The following IL1RAP variants were observed in gnomAD, a reference collection of about 807,000 sequenced individuals.
IL1RAP encodes the protein interleukin 1 receptor accessory protein.
A neutral mutation model predicts 60.7 loss-of-function variants in IL1RAP; 35 were observed. The ratio of observed to expected loss-of-function variants is 0.58; its 90% CI spans 0.44 to 0.76. IL1RAP has a LOEUF of 0.76. Ranked by LOEUF, IL1RAP falls within the 30% of genes least tolerant of loss-of-function variation. IL1RAP has a pLI of 0.00. For missense variants in IL1RAP, 572 were observed against 693.9 expected, an observed-to-expected ratio of 0.82 and a Z score of 1.97; for synonymous variants, 268 against 250.9, an observed-to-expected ratio of 1.07 and a Z score of -0.64.
At chr3:190,653,324 G>A (rs73062296), downstream of IL1RAP, among the ~76,000 whole-genome samples, 321 of 152,226 alleles carry the variant, frequency 2.1e-3, 1 homozygote, top group African/African-American at 7.4e-3. Context: ...TCACATGTAG[G>A]CATCTAATTT....
chr3:190,621,735 A>G (rs777350094), intron 6 of IL1RAP, among the ~76,000 whole-genome samples: 8 of 148,308 alleles, frequency 5.4e-5, no homozygotes, highest in Non-Finnish European at 8.9e-5. Context: ...TGAAACTGCG[A>G]TATGAGTTTT....
At position 190,559,790 on chromosome 3, in the gene IL1RAP, C is replaced by T. The variant is rs544093241; in HGVS notation, c.-2+3574C>T. 1.2e-3 allele frequency among the ~76,000 whole-genome samples: 185 copies of T among 152,168 alleles called. 2 individuals carry two copies. The highest frequency in any genetic ancestry group is 3.4e-3 in the Middle Eastern group (1 of 294). ...AAAATTTGATTTATGATACATGATA[C>T]GGTGTATCTGGTGAATGTCCTATTG... On this transcript the variant is annotated intron_variant, in intron 2 of 11. Coordinates refer to ENST00000447382, the MANE Select transcript of IL1RAP (RefSeq NM_002182.4).
rs1730108054 is a variant in IL1RAP, at chr3:190,604,295, G to C, written c.232G>C (p.Asp78His). 5.0e-6 allele frequency: 8 copies of C among 1,613,896 alleles called. No individual in the cohort carries two copies. Among genetic ancestry groups the C allele is most frequent in the Non-Finnish European group, 6.8e-6 (8 of 1,179,974 alleles). The change falls in exon 4 of 12, where the codon GAC becomes CAC. Residue 78 changes from aspartate (D) to histidine (H), a missense_variant. Asp to His is a moderately conservative substitution (Grantham distance 81). Coordinates refer to ENST00000447382, the MANE Select transcript of IL1RAP (RefSeq NM_002182.4). ...LIWYWTRQDR[D>H]LEEPINFRLP... is the part of the protein sequence containing the mutation. ...CTGGTATTGGACTAGGCAGGACCGG[G>C]ACCTTGAGGAGCCAATTAACTTCCG...
chr3:190,569,982 G>T (rs1577618499), intron 3 of IL1RAP, among the ~76,000 whole-genome samples: 1 of 152,056 alleles, frequency 6.6e-6, no homozygotes, highest in African/African-American at 2.4e-5. Context: ...TGCCACCTTA[G>T]CAGTGACTCA....
intron 6 of IL1RAP, among the ~76,000 whole-genome samples, chr3:190,622,453 T>C (rs1220026495): frequency 6.6e-6 from 1 of 151,992 alleles, no homozygotes; most frequent in Admixed American, 6.6e-5. Flanking sequence ...AAGGACTCCT[T>C]CCTAAAAGAC....
chr3:190,623,479 T>C (rs1173016264), intron 7 of IL1RAP, 64 bp downstream of exon 7: 1 of 1,197,040 alleles, frequency 8.4e-7, no homozygotes, highest in Non-Finnish European at 1.2e-6. Context: ...TAAAATGTCA[T>C]TTAAGTTAAT....
chr3:190,544,808 A>G (rs929895671), intron 1 of IL1RAP, among the ~76,000 whole-genome samples: 16 of 152,236 alleles, frequency 1.1e-4, no homozygotes, highest in African/African-American at 3.9e-4. Context: ...CCCTGAAAGA[A>G]GTCCTGTGGG....
intron 11 of IL1RAP, among the ~76,000 whole-genome samples, chr3:190,646,229 T>G (rs1734005580): frequency 6.6e-6 from 1 of 152,218 alleles, no homozygotes; most frequent in Non-Finnish European, 1.5e-5. Flanking sequence ...AAAGCAGTTT[T>G]ATTTTGGTTT....
intron 3 of IL1RAP, among the ~76,000 whole-genome samples, chr3:190,600,834 G>T (rs1729795231): frequency 6.6e-6 from 1 of 152,076 alleles, no homozygotes; most frequent in Non-Finnish European, 1.5e-5. Context: ...ACTACAGATT[G>T]GTTTGTTCTC....
chr3:190,654,190 T>TCTCACACACACACA (rs1553854858), downstream of IL1RAP, among the ~76,000 whole-genome samples: 31 of 140,508 alleles, frequency 2.2e-4, no homozygotes, highest in South Asian at 5.9e-3. Flanking sequence ...AAACATCATA[T>TCTCACACACACACA]CACACACACA....
chr3:190,599,285 C>A (rs115527231), intron 3 of IL1RAP, among the ~76,000 whole-genome samples: 103 of 152,262 alleles, frequency 6.8e-4, no homozygotes, highest in African/African-American at 2.4e-3. Context: ...CCCCGAAGCT[C>A]CCTGATAAGG....
At position 190,561,943 on chromosome 3, in the gene IL1RAP, G is replaced by C. The variant is rs184910807; in HGVS notation, c.-1-2346G>C. 8.5e-4 allele frequency among the ~76,000 whole-genome samples: 129 copies of C among 152,150 alleles called. 1 individual carries two copies. Among genetic ancestry groups the C allele is most frequent in the African/African-American group, 3.0e-3 (124 of 41,512 alleles). On this transcript the variant is annotated intron_variant, in intron 2 of 11. Transcript: ENST00000447382. Reference sequence around the variant, plus strand: ...AGTGCTCTATAAAGTACAATTTGAGGGTCATGTTGCTCCCCTACTCAGAAA... The same window carrying C: ...AGTGCTCTATAAAGTACAATTTGAGCGTCATGTTGCTCCCCTACTCAGAAA...
chr3:190,637,409 A>C (rs1044999430), intron 9 of IL1RAP, among the ~76,000 whole-genome samples: 1 of 152,144 alleles, frequency 6.6e-6, no homozygotes, highest in East Asian at 1.9e-4. Flanking sequence ...AAGGAATTAC[A>C]CAGTGAGCAG....
At chr3:190,599,893 C>T (rs769837292) in intron 3 of IL1RAP, among the ~76,000 whole-genome samples, 13 of 151,482 alleles carry the variant, frequency 8.6e-5, no homozygotes, top group Non-Finnish European at 1.9e-4. Flanking sequence ...GGCTTTTGTT[C>T]TCTGAATATT....
chr3:190,644,142 C>T (rs1186095695), intron 9 of IL1RAP, 106 bp from the exon 10 acceptor site: 2 of 1,469,306 alleles, frequency 1.4e-6, no homozygotes, highest in African/African-American at 2.8e-5. Context: ...CATACATAGG[C>T]AGGTGCATAG....
At chr3:190,632,886 A>C (rs575014137) in intron 9 of IL1RAP, among the ~76,000 whole-genome samples, 5 of 152,332 alleles carry the variant, frequency 3.3e-5, no homozygotes, top group South Asian at 2.1e-4. Flanking sequence ...AAAAGAGCCC[A>C]AAAAATTAAT....
chr3:190,636,851 C>A (rs1383355351), intron 9 of IL1RAP, among the ~76,000 whole-genome samples: 1 of 151,880 alleles, frequency 6.6e-6, no homozygotes, highest in Non-Finnish European at 1.5e-5. Flanking sequence ...TATTTGTTGT[C>A]CACCTGTCTT....
chr3:190,560,046 A>G (rs1225133081), intron 2 of IL1RAP, among the ~76,000 whole-genome samples: 1 of 152,210 alleles, frequency 6.6e-6, no homozygotes, highest in Non-Finnish European at 1.5e-5. Flanking sequence ...TCCACAAAAG[A>G]CTGATGATGA....
At chr3:190,546,547 G>C (rs1317595513) in intron 1 of IL1RAP, among the ~76,000 whole-genome samples, 1 of 152,172 alleles carries the variant, frequency 6.6e-6, no homozygotes, top group Non-Finnish European at 1.5e-5. Context: ...GAAATAATAA[G>C]AGCAGATACA....
Sources: gnomAD v4.1 joint callset for allele counts (sites outside exome capture counted in the v4.1 genomes callset) on GRCh38, gnomAD v4.1.1 for gene constraint, MANE v1.5 for transcripts, NCBI Gene and HGNC (gene_info 2026-07-23, HGNC 2026-07-21) for gene names.